PARD3B: variants seen among roughly 807,000 people sequenced by gnomAD.
The protein encoded by PARD3B is partitioning defective 3 homolog B.
Under a neutral mutation model 130.2 loss-of-function variants are expected in PARD3B, and 103 were observed. The ratio of observed to expected loss-of-function variants is 0.79; its 90% CI spans 0.67 to 0.93. The LOEUF (loss-of-function observed/expected upper bound fraction) is 0.93. Among genes scored for constraint, PARD3B ranks in the 40% least tolerant of loss-of-function variants. PARD3B has a pLI of 0.00. For missense variants in PARD3B, 1,609 were observed against 1,499.2 expected (o/e 1.07, Z -1.21); for synonymous variants, 583 against 553.2 (o/e 1.05, Z -0.76).
chr2:205,401,958 C>T lies in PARD3B; in HGVS notation c.2741+835C>T, dbSNP rs145479758. Among the ~76,000 whole-genome samples the T allele has an allele frequency of 4.6e-5, 7 of 152,268 alleles. No homozygotes were observed. In the East Asian group the frequency reaches 1.3e-3, roughly 29 times the overall value. ...CAACTTTTCACTTGCTTATTAGTTA[C>T]ATTAGTTCTTATAGTTTCTAAAGAG... On this transcript the variant is annotated intron_variant, in intron 19 of 22. Coordinates refer to ENST00000406610, the MANE Select transcript of PARD3B (RefSeq NM_001302769.2).
chr2:205,126,612 GGC>G (rs918110197), intron 10 of PARD3B, among the ~76,000 whole-genome samples: 1 of 151,420 alleles, frequency 6.6e-6, no homozygotes, highest in African/African-American at 2.4e-5. Context: ...CGGGCGCGGT[GGC>G]GGGCACCTGT....
intron 11 of PARD3B, among the ~76,000 whole-genome samples, chr2:205,168,310 A>AGT (rs1277372189): frequency 3.7e-4 from 44 of 117,642 alleles, no homozygotes; most frequent in African/African-American, 1.3e-3. Context: ...AGAGAGAGAG[A>AGT]GAGAGAGAGA....
intron 3 of PARD3B, among the ~76,000 whole-genome samples, chr2:205,046,788 T>C (rs1698815737): frequency 6.6e-6 from 1 of 152,216 alleles, no homozygotes; most frequent in South Asian, 2.1e-4. Context: ...AGCAGATTTT[T>C]TTTGAGATGT....
intron 21 of PARD3B, among the ~76,000 whole-genome samples, chr2:205,517,638 T>C (rs1410923281): frequency 1.3e-5 from 2 of 152,106 alleles, no homozygotes; most frequent in Non-Finnish European, 2.9e-5. Flanking sequence ...GGTTGATTCG[T>C]TCTTGCTTCT....
Position 205,176,641 on chromosome 2 carries a change from CTA to C in PARD3B, c.1924+65_1924+66del. The C allele has an allele frequency of 2.5e-6, 3 of 1,185,012 alleles. No individual in the cohort carries two copies. The highest frequency in any genetic ancestry group is 2.4e-4 in the Middle Eastern group (1 of 4,240). The allele number at this position is 1,185,012 out of a possible 1,614,324, so 73.4% of individuals were successfully genotyped here. On this transcript the variant is annotated intron_variant, in intron 13 of 22. Transcript: ENST00000406610. The surrounding 1 kb of genome is among the most constrained non-coding windows in gnomAD (Gnocchi z 5.3). ...AGAAAACACAAAAGTGTCTTTTTAT[CTA>C]AAAAAAAAAAAAAAGAGTAAAGGGG...
At chr2:205,409,091 G>A (rs1393750219) in intron 19 of PARD3B, among the ~76,000 whole-genome samples, 1 of 152,104 alleles carries the variant, frequency 6.6e-6, no homozygotes, top group Non-Finnish European at 1.5e-5. Flanking sequence ...ATCTTACTTG[G>A]TGGTGTTTCT....
chr2:205,217,202 G>A (rs2037961519), intron 15 of PARD3B, among the ~76,000 whole-genome samples: 2 of 152,296 alleles, frequency 1.3e-5, no homozygotes, highest in South Asian at 4.1e-4. Context: ...GGTTGTAGGT[G>A]GCATTGGATC....
At chr2:205,273,852 G>A (rs1284291180) in intron 16 of PARD3B, among the ~76,000 whole-genome samples, 1 of 152,140 alleles carries the variant, frequency 6.6e-6, no homozygotes, top group African/African-American at 2.4e-5. Context: ...TTTTACTTTT[G>A]TAAGTTATCT....
chr2:204,984,693 A>G (rs976316590), intron 3 of PARD3B, among the ~76,000 whole-genome samples: 8 of 152,028 alleles, frequency 5.3e-5, no homozygotes, highest in African/African-American at 1.5e-4. Flanking sequence ...GCCAGATGTC[A>G]TGGTTAGGAG....
chr2:204,848,500 CT>C (rs1307118002), intron 2 of PARD3B, among the ~76,000 whole-genome samples: 1 of 152,004 alleles, frequency 6.6e-6, no homozygotes, highest in African/African-American at 2.4e-5. Flanking sequence ...AAATAGTTAG[CT>C]GGGTGTGTGG....
At position 205,276,664 on chromosome 2, in the gene PARD3B, C is replaced by A. The variant is rs2040962624; in HGVS notation, c.2186-23866C>A. 6.6e-6 allele frequency among the ~76,000 whole-genome samples: 1 copy of A among 152,276 alleles called. No individual in the cohort carries two copies. The highest frequency in any genetic ancestry group is 1.9e-4 in the East Asian group (1 of 5,166). ...TGGCTTGCAGCGCTTTATCAGCCGACATTTACACAGAAACTCCTGCCTCTG... is the reference window on the plus strand; with the variant it reads ...TGGCTTGCAGCGCTTTATCAGCCGAAATTTACACAGAAACTCCTGCCTCTG... On this transcript the variant is annotated intron_variant, in intron 16 of 22. Coordinates refer to ENST00000406610, the MANE Select transcript of PARD3B (RefSeq NM_001302769.2). The surrounding 1 kb of genome is among the most constrained non-coding windows in gnomAD (Gnocchi z 5.0).
chr2:204,999,525 C>A (rs1392058099), intron 3 of PARD3B, among the ~76,000 whole-genome samples: 2 of 152,296 alleles, frequency 1.3e-5, no homozygotes, highest in Non-Finnish European at 2.9e-5. Flanking sequence ...TCACCTGATA[C>A]CAGTTCCAAG....
chr2:204,721,561 A>G (rs1410861633), intron 2 of PARD3B, among the ~76,000 whole-genome samples: 1 of 152,112 alleles, frequency 6.6e-6, no homozygotes, highest in African/African-American at 2.4e-5. Context: ...AGAGCCATTT[A>G]TTTCTCATTT....
In PARD3B at chr2:205,195,018, C is replaced by T. The variant is rs1196669294; in HGVS notation, c.2140+1698C>T. Among the ~76,000 whole-genome samples the T allele has an allele frequency of 5.6e-5, 8 of 142,540 alleles. No homozygotes were observed. In the South Asian group the frequency reaches 1.1e-3, roughly 20 times the overall value. 93.5% of individuals were successfully genotyped at this position (142,540 alleles called of 152,430 possible). The stretch of plus-strand genomic sequence containing the variant: ...TTCTCCATGTTGGCCGGGGTGTTCT[C>T]GAACTCCTGACCTCAAGTGATCCAC... On this transcript the variant is annotated intron_variant, in intron 15 of 22. Coordinates refer to ENST00000406610, the MANE Select transcript of PARD3B (RefSeq NM_001302769.2).
chr2:205,296,966 C>T (rs982676580), intron 16 of PARD3B, among the ~76,000 whole-genome samples: 2 of 151,546 alleles, frequency 1.3e-5, no homozygotes, highest in Non-Finnish European at 1.5e-5. Flanking sequence ...TTTTATTATA[C>T]CACCTTGAGA....
chr2:204,908,883 T>C (rs1212594209), intron 2 of PARD3B, among the ~76,000 whole-genome samples: 1 of 152,204 alleles, frequency 6.6e-6, no homozygotes, highest in Non-Finnish European at 1.5e-5. Context: ...TATAGTGAAT[T>C]TGACTTGGGT....
intron 1 of PARD3B, among the ~76,000 whole-genome samples, chr2:204,547,672 A>G (rs1404551977): frequency 1.3e-5 from 2 of 152,160 alleles, no homozygotes; most frequent in Non-Finnish European, 2.9e-5. Flanking sequence ...TCATTGAGGG[A>G]TTGTCTTACC....
chr2:205,318,071 T>C (rs1320116876), intron 18 of PARD3B, among the ~76,000 whole-genome samples: 1 of 152,182 alleles, frequency 6.6e-6, no homozygotes, highest in African/African-American at 2.4e-5. Context: ...GCAACTTTGA[T>C]TGCAGACAAA....
chr2:204,647,606 C>T (rs1223476130), intron 1 of PARD3B, among the ~76,000 whole-genome samples: 1 of 151,714 alleles, frequency 6.6e-6, no homozygotes, highest in Non-Finnish European at 1.5e-5. Flanking sequence ...ACACTGTGAT[C>T]ATATGCAATA....
Sources: gnomAD v4.1 joint callset for allele counts (sites outside exome capture counted in the v4.1 genomes callset) on GRCh38, gnomAD v4.1.1 for gene constraint, Gnocchi (gnomAD v3.1) non-coding constraint, MANE v1.5 for transcripts, NCBI Gene and HGNC (gene_info 2026-07-23, HGNC 2026-07-21) for gene names.